The following ESRRG variants were observed in gnomAD, a reference collection of about 807,000 sequenced individuals.
ESRRG encodes estrogen related receptor gamma.
Under a neutral mutation model 44.0 loss-of-function variants are expected in ESRRG, and 13 were observed. That is an observed-to-expected ratio of 0.30 (90% CI 0.19 to 0.47). The LOEUF (loss-of-function observed/expected upper bound fraction) is 0.47, where lower values mean the gene tolerates loss of function less well. Ranked by LOEUF, ESRRG falls within the 20% of genes least tolerant of loss-of-function variation. The pLI is 1.00. For missense variants in ESRRG, 395 were observed against 580.6 expected, an observed-to-expected ratio of 0.68 and a Z score of 3.29; for synonymous variants, 215 against 214.6, an observed-to-expected ratio of 1.00 and a Z score of -0.02.
intron 2 of ESRRG, among the ~76,000 whole-genome samples, chr1:216,740,470 A>G (rs1021842190): frequency 3.9e-5 from 6 of 152,086 alleles, no homozygotes; most frequent in African/African-American, 1.4e-4. Flanking sequence ...CCCAGAGAAG[A>G]GGAGAGCACA....
At chr1:216,648,610 A>C (rs1017978575) in intron 3 of ESRRG, among the ~76,000 whole-genome samples, 2 of 152,136 alleles carry the variant, frequency 1.3e-5, no homozygotes, top group African/African-American at 4.8e-5. Context: ...TTTAAGGAAA[A>C]ATATCTTCTT....
intron 1 of ESRRG, among the ~76,000 whole-genome samples, chr1:217,111,723 T>C (rs1302700462): frequency 6.6e-6 from 1 of 152,178 alleles, no homozygotes; most frequent in Non-Finnish European, 1.5e-5. Flanking sequence ...TAAGCATTCA[T>C]GCCACCAATA....
At chr1:217,076,184 A>G (rs934940438) in intron 1 of ESRRG, among the ~76,000 whole-genome samples, 1 of 152,178 alleles carries the variant, frequency 6.6e-6, no homozygotes, top group Non-Finnish European at 1.5e-5. Flanking sequence ...TCCTTTGCTT[A>G]AAGTGCCTGT....
chr1:216,708,597 C>G (rs920428857), intron 1 of ESRRG, among the ~76,000 whole-genome samples: 1 of 152,256 alleles, frequency 6.6e-6, no homozygotes, highest in South Asian at 2.1e-4. Flanking sequence ...GAAATAGGAA[C>G]GCTTTTACAC....
At chr1:216,988,722 G>A (rs531873589) in intron 1 of ESRRG, among the ~76,000 whole-genome samples, 109 of 152,272 alleles carry the variant, frequency 7.2e-4, no homozygotes, top group African/African-American at 1.9e-3. Flanking sequence ...AACTCTTGAA[G>A]GAGTTATTCT....
At chr1:216,709,526 A>G in intron 1 of ESRRG, among the ~76,000 whole-genome samples, 1 of 152,212 alleles carries the variant, frequency 6.6e-6, no homozygotes, top group East Asian at 1.9e-4. Flanking sequence ...ATTTAAAAAG[A>G]GAAACATACT....
chr1:216,928,393 G>T (rs1161721941), intron 2 of ESRRG, among the ~76,000 whole-genome samples: 2 of 152,050 alleles, frequency 1.3e-5, no homozygotes, highest in Non-Finnish European at 2.9e-5. Flanking sequence ...TTAAAAAGAG[G>T]AGCATCTCTC....
chr1:216,516,293 ATTG>A (rs961643089), intron 6 of ESRRG, among the ~76,000 whole-genome samples: 50 of 152,234 alleles, frequency 3.3e-4, no homozygotes, highest in African/African-American at 1.1e-3. Flanking sequence ...TTCATGACAT[ATTG>A]TTGTTTTGGC....
chr1:216,568,713 A>G (rs1430665605), intron 3 of ESRRG, among the ~76,000 whole-genome samples: 1 of 152,152 alleles, frequency 6.6e-6, no homozygotes, highest in Admixed American at 6.5e-5. Flanking sequence ...TTCCTCTCAT[A>G]TGTGAGAAAA....
chr1:216,763,975 A>G (rs2092936663), intron 2 of ESRRG, among the ~76,000 whole-genome samples: 1 of 152,180 alleles, frequency 6.6e-6, no homozygotes, highest in African/African-American at 2.4e-5. Flanking sequence ...AAAAGTAAAT[A>G]AAATTCAGGA....
chr1:217,096,240 A>C (rs535762050), intron 1 of ESRRG, among the ~76,000 whole-genome samples: 1 of 152,180 alleles, frequency 6.6e-6, no homozygotes, highest in East Asian at 1.9e-4. Flanking sequence ...TTTCCATTTG[A>C]GATAGCGCAT....
chr1:217,009,664 G>A (rs1256820950), intron 1 of ESRRG, among the ~76,000 whole-genome samples: 1 of 150,892 alleles, frequency 6.6e-6, no homozygotes, highest in Non-Finnish European at 1.5e-5. Flanking sequence ...TGTCTCCCAT[G>A]AGCATATCCC....
chr1:216,728,417 T>C (rs1416619), upstream of ESRRG, among the ~76,000 whole-genome samples: 9,324 of 152,046 alleles, frequency 0.061, 356 homozygotes, highest in African/African-American at 0.09. Context: ...ACAAAATCCC[T>C]GTTTTTAAAA....
chr1:216,686,708 T>C (rs2078048788), intron 1 of ESRRG, among the ~76,000 whole-genome samples: 1 of 152,158 alleles, frequency 6.6e-6, no homozygotes, highest in Admixed American at 6.6e-5. Flanking sequence ...TGACTTCTTG[T>C]AGTATTCGAC....
intron 1 of ESRRG, among the ~76,000 whole-genome samples, chr1:216,678,078 T>C (rs921890678): frequency 2.0e-5 from 3 of 152,240 alleles, no homozygotes; most frequent in Non-Finnish European, 2.9e-5. Context: ...CTGTGTCTTA[T>C]TGATCTGACT....
At chr1:217,126,084 G>C (rs904688818) in intron 1 of ESRRG, among the ~76,000 whole-genome samples, 2 of 152,108 alleles carry the variant, frequency 1.3e-5, no homozygotes, top group Non-Finnish European at 2.9e-5. Flanking sequence ...GCCTGAACTT[G>C]TTATCAGAGG....
At chr1:217,043,594 T>G (rs2084277395) in intron 1 of ESRRG, among the ~76,000 whole-genome samples, 1 of 152,218 alleles carries the variant, frequency 6.6e-6, no homozygotes, top group Non-Finnish European at 1.5e-5. Context: ...ACTTTTGTAC[T>G]TATTTTCATT....
At chr1:216,954,552 T>C (rs1480359195) in intron 1 of ESRRG, among the ~76,000 whole-genome samples, 1 of 152,144 alleles carries the variant, frequency 6.6e-6, no homozygotes, top group Non-Finnish European at 1.5e-5. Flanking sequence ...TCCTAATTAC[T>C]TGATTTAGGC....
intron 1 of ESRRG, among the ~76,000 whole-genome samples, chr1:216,975,598 C>T (rs1376855621): frequency 6.6e-6 from 1 of 152,164 alleles, no homozygotes; most frequent in African/African-American, 2.4e-5. Context: ...ATACAGTGCT[C>T]ACTAAAAAGA....
Sources: allele counts gnomAD v4.1 joint callset (sites outside exome capture counted in the v4.1 genomes callset), GRCh38; gene constraint gnomAD v4.1.1; transcripts MANE v1.5; gene names NCBI Gene and HGNC (gene_info 2026-07-23, HGNC 2026-07-21).